Variants in WWOX observed in about 807,000 individuals in gnomAD.
The protein encoded by WWOX is WW domain containing oxidoreductase, also known as WW domain-containing oxidoreductase.
In WWOX, 69 loss-of-function variants were observed where a neutral mutation model predicts 46.2. That is an observed-to-expected ratio of 1.49 (90% CI 1.23 to 1.82). The LOEUF (loss-of-function observed/expected upper bound fraction) is 1.82. Among genes scored for constraint, WWOX ranks in the 40% most tolerant of loss-of-function variants. WWOX has a pLI of 0.00. For synonymous variants in WWOX, 359 were observed against 202.6 expected (o/e 1.77, Z -6.56); for missense variants, 919 against 542.6 (o/e 1.69, Z -6.89).
chr16:78,519,065 G>A (rs2043295921), intron 8 of WWOX, among the ~76,000 whole-genome samples: 1 of 152,186 alleles, frequency 6.6e-6, no homozygotes, highest in Non-Finnish European at 1.5e-5. Flanking sequence ...TTATACATGA[G>A]ACAGCTATAG....
At chr16:78,623,329 C>G (rs7499936) in intron 8 of WWOX, among the ~76,000 whole-genome samples, 1 of 152,160 alleles carries the variant, frequency 6.6e-6, no homozygotes, top group Non-Finnish European at 1.5e-5. Context: ...ACAGCAAGTT[C>G]TAAGTTACTC....
chr16:79,162,573 C>T (rs186446564), intron 8 of WWOX, among the ~76,000 whole-genome samples: 11 of 152,280 alleles, frequency 7.2e-5, no homozygotes, highest in Non-Finnish European at 1.3e-4. Context: ...ACCCTTGGGG[C>T]GGAGACCTTA....
At chr16:78,740,983 A>G (rs1244985122) in intron 8 of WWOX, among the ~76,000 whole-genome samples, 1 of 152,178 alleles carries the variant, frequency 6.6e-6, no homozygotes, top group Non-Finnish European at 1.5e-5. Flanking sequence ...CCCTTCTCTT[A>G]CAGGCCATGG....
chr16:78,835,692 C>G (rs994198019), intron 8 of WWOX, among the ~76,000 whole-genome samples: 1 of 152,192 alleles, frequency 6.6e-6, no homozygotes, highest in Non-Finnish European at 1.5e-5. Context: ...GAAACTCACC[C>G]TGTGCTAATC....
intron 8 of WWOX, among the ~76,000 whole-genome samples, chr16:78,941,129 C>A (rs2045843179): frequency 6.6e-6 from 1 of 152,054 alleles, no homozygotes; most frequent in Non-Finnish European, 1.5e-5. Context: ...AGCGTTCTTG[C>A]AGTTAGATTA....
rs7184828 is a variant in WWOX, at chr16:79,201,267, T to C, written c.1057-10341T>C. 1.2e-3 allele frequency among the ~76,000 whole-genome samples: 180 copies of C among 152,280 alleles called. 1 individual carries two copies. The highest frequency in any genetic ancestry group is 4.1e-3 in the African/African-American group (171 of 41,552). Reference sequence around the variant, plus strand: ...TCCCTCCAGGACTGAAGAGATGATATTGATTCTCACTTGATAGAGGTTAGA... The same window carrying C: ...TCCCTCCAGGACTGAAGAGATGATACTGATTCTCACTTGATAGAGGTTAGA... On this transcript the variant is annotated intron_variant, in intron 8 of 8. Coordinates refer to ENST00000566780, the MANE Select transcript of WWOX (RefSeq NM_016373.4).
intron 8 of WWOX, among the ~76,000 whole-genome samples, chr16:78,913,568 C>A (rs1240653287): frequency 6.6e-6 from 1 of 151,978 alleles, no homozygotes; most frequent in East Asian, 1.9e-4. Flanking sequence ...ATCAGAAATA[C>A]AGAACTAGTT....
chr16:78,705,281 C>T (rs2048306880), intron 8 of WWOX, among the ~76,000 whole-genome samples: 1 of 152,134 alleles, frequency 6.6e-6, no homozygotes, highest in Admixed American at 6.6e-5. Flanking sequence ...AAATGTTGTC[C>T]TGCCCAGTAC....
At chr16:78,492,051 C>T (rs1347762556) in intron 8 of WWOX, among the ~76,000 whole-genome samples, 2 of 151,952 alleles carry the variant, frequency 1.3e-5, no homozygotes, top group Admixed American at 6.6e-5. Context: ...TGGGGGTGTG[C>T]TTTGGGGTTA....
At chr16:79,064,981 C>T (rs995920976) in intron 8 of WWOX, among the ~76,000 whole-genome samples, 1 of 152,102 alleles carries the variant, frequency 6.6e-6, no homozygotes, top group Admixed American at 6.5e-5. Flanking sequence ...CCCTGAGCAC[C>T]TGTGTGTGTG....
At chr16:78,847,923 C>T (rs2052343010) in intron 8 of WWOX, among the ~76,000 whole-genome samples, 1 of 152,110 alleles carries the variant, frequency 6.6e-6, no homozygotes, top group Non-Finnish European at 1.5e-5. Context: ...TGCTTACAAC[C>T]CTGTGACCAC....
At chr16:78,170,745 G>A (rs2035130157) in intron 5 of WWOX, among the ~76,000 whole-genome samples, 1 of 152,184 alleles carries the variant, frequency 6.6e-6, no homozygotes. Context: ...AATACACTCT[G>A]CATATATTTT....
chr16:79,071,095 C>G (rs564503478), intron 8 of WWOX, among the ~76,000 whole-genome samples: 1 of 152,266 alleles, frequency 6.6e-6, no homozygotes, highest in East Asian at 1.9e-4. Flanking sequence ...TTTATGATTC[C>G]CATTTATTCC....
intron 6 of WWOX, among the ~76,000 whole-genome samples, chr16:78,402,385 A>G (rs542226975): frequency 9.8e-5 from 15 of 152,296 alleles, no homozygotes; most frequent in African/African-American, 3.4e-4. Context: ...TGTCAGTCGG[A>G]TATTTCTGTT....
chr16:79,013,795 C>T (rs1472469630), intron 8 of WWOX, among the ~76,000 whole-genome samples: 1 of 152,076 alleles, frequency 6.6e-6, no homozygotes, highest in Non-Finnish European at 1.5e-5. Context: ...TTTTTTAGCC[C>T]AATTGCCTCC....
At chr16:78,489,481 T>C (rs2084724612) in intron 8 of WWOX, among the ~76,000 whole-genome samples, 1 of 152,176 alleles carries the variant, frequency 6.6e-6, no homozygotes, top group South Asian at 2.1e-4. Flanking sequence ...AGCTCTTTTT[T>C]TTTTCTAACC....
chr16:79,191,121 T>C (rs530765486), intron 8 of WWOX, among the ~76,000 whole-genome samples: 38 of 152,314 alleles, frequency 2.5e-4, no homozygotes, highest in African/African-American at 8.4e-4. Flanking sequence ...TGGCACAACC[T>C]TGGCTCAGTG....
chr16:79,192,707 T>G (rs1439598533), intron 8 of WWOX, among the ~76,000 whole-genome samples: 1 of 152,168 alleles, frequency 6.6e-6, no homozygotes, highest in East Asian at 1.9e-4. Context: ...ATTTCCTTTG[T>G]GGAGTCCAGC....
intron 1 of WWOX, among the ~76,000 whole-genome samples, chr16:78,107,437 T>A: frequency 6.6e-6 from 1 of 152,218 alleles, no homozygotes; most frequent in East Asian, 1.9e-4. Context: ...GTATGCCAAG[T>A]GCTATGCGAA....
Sources: gnomAD v4.1 joint callset for allele counts (sites outside exome capture counted in the v4.1 genomes callset) on GRCh38, gnomAD v4.1.1 for gene constraint, MANE v1.5 for transcripts, NCBI Gene and HGNC (gene_info 2026-07-23, HGNC 2026-07-21) for gene names.